Variants in AQP1 observed in about 807,000 individuals in gnomAD.
AQP1 encodes aquaporin 1 (Colton blood group).
Under a neutral mutation model 19.7 loss-of-function variants are expected in AQP1, and 11 were observed. That is an observed-to-expected ratio of 0.56 (90% CI 0.35 to 0.92). AQP1 has a LOEUF of 0.92. AQP1 is among the 40% of genes least tolerant of loss of function. The probability of loss-of-function intolerance (pLI) is 0.01; values close to 1 mark genes in which losing one functional copy is unlikely to be tolerated. For missense variants in AQP1, 320 were observed against 369.7 expected (o/e 0.87, Z 1.10); for synonymous variants, 159 against 166.7 (o/e 0.95, Z 0.36).
rs201686828 is a variant in AQP1 at position 30,922,162 on chromosome 7, C to T, written c.481C>T (p.Arg161Cys). 745 of 1,613,534 alleles carry T rather than the reference C, an allele frequency of 4.6e-4. 4 individuals carry two copies. The highest frequency in any genetic ancestry group is 1.2e-4 in the Non-Finnish European group (146 of 1,180,018). The part of the protein sequence containing the change: ...LCVLATTDRR[R>C]RDLGGSAPLA... Reference sequence around the variant, plus strand: ...CGTGCTGGCTACTACCGACCGGAGGCGCCGTGACCTTGGTGGCTCAGCCCC... The same window carrying T: ...CGTGCTGGCTACTACCGACCGGAGGTGCCGTGACCTTGGTGGCTCAGCCCC... The change falls in exon 2 of 4, where the codon CGC becomes TGC. Residue 161 changes from arginine to cysteine, a missense_variant. Coordinates refer to ENST00000311813, the MANE Select transcript of AQP1 (RefSeq NM_198098.4).
At position 30,923,355 on chromosome 7, in the gene AQP1, C is replaced by A; in HGVS notation, c.631-95C>A. On this transcript the variant is annotated intron_variant, in intron 3 of 3. Coordinates refer to ENST00000311813, the MANE Select transcript of AQP1 (RefSeq NM_198098.4). The surrounding 1 kb of genome is among the most constrained non-coding windows in gnomAD (Gnocchi z 4.8). ...TGCCTCCATCCCAGGTGGGAAAAAC[C>A]TGTCCAACGGGGTGGTGGGCTGTGG... 1 of 1,589,982 alleles carries A rather than the reference C, an allele frequency of 6.3e-7. No individual in the cohort carries two copies. Among genetic ancestry groups the A allele is most frequent in the South Asian group, 1.1e-5 (1 of 88,016 alleles).
At chr7:30,913,062 T>C (rs1000415137) in intron 1 of AQP1, among the ~76,000 whole-genome samples, 1 of 152,088 alleles carries the variant, frequency 6.6e-6, no homozygotes, top group African/African-American at 2.4e-5. Context: ...TTGTGTCAAC[T>C]GTGTGCATGT....
chr7:30,915,924 G>T (rs28362709), intron 1 of AQP1, among the ~76,000 whole-genome samples: 27,756 of 152,080 alleles, frequency 0.18, 2,691 homozygotes, highest in Middle Eastern at 0.25. Flanking sequence ...TGCCCAGCCC[G>T]TCCTGCCCAG....
At chr7:30,922,363 G>C in intron 2 of AQP1, 133 bp downstream of exon 2, 1 of 1,402,492 alleles carries the variant, frequency 7.1e-7, no homozygotes, top group Non-Finnish European at 9.7e-7. Context: ...GGTCAGCGCT[G>C]GGGGCTGGGG....
At chr7:30,920,008 C>T (rs952017717) in intron 1 of AQP1, among the ~76,000 whole-genome samples, 7 of 152,150 alleles carry the variant, frequency 4.6e-5, no homozygotes, top group Non-Finnish European at 1.0e-4. Context: ...CCCAAGGACT[C>T]AGAGTACAGG....
chr7:30,922,686 C>G (rs955246161), intron 3 of AQP1, 42 bp downstream of exon 3: 1 of 1,558,888 alleles, frequency 6.4e-7, no homozygotes, highest in Non-Finnish European at 8.9e-7. Flanking sequence ...CTTTGGTGTC[C>G]CATGGTAAGC....
intron 1 of AQP1, among the ~76,000 whole-genome samples, chr7:30,919,976 C>T (rs765962265): frequency 5.9e-5 from 9 of 152,184 alleles, no homozygotes; most frequent in Non-Finnish European, 1.3e-4. Context: ...ATTCCCAGGG[C>T]AGGTGGCTGA....
rs150232727 is a variant in AQP1 at position 30,918,676 on chromosome 7, G to T, written c.385-3390G>T. Among the ~76,000 whole-genome samples, 932 of 152,320 alleles carry T rather than the reference G, an allele frequency of 6.1e-3. 11 individuals are homozygous for T. The highest frequency in any genetic ancestry group is 0.022 in the African/African-American group (894 of 41,574). ...CCAGGGTGCCCAGGCCAAGTCAGGG[G>T]CCCCATGCCTTGGAAGCCACCCTGG... is the stretch of plus-strand genomic sequence containing the variant. On this transcript the variant is annotated intron_variant, in intron 1 of 3. Coordinates refer to ENST00000311813, the MANE Select transcript of AQP1 (RefSeq NM_198098.4).
chr7:30,911,867 A>C lies in AQP1; in HGVS notation c.-43A>C. The stretch of plus-strand genomic sequence containing the variant: ...GGCTGTGGCTCAGCTCTCAGAGGGA[A>C]TTGAGCACCCGGCAGCGGTCTCAGG... On this transcript the variant is annotated 5_prime_UTR_variant, in exon 1 of 4. Transcript: ENST00000311813. The C allele has an allele frequency of 6.2e-7, 1 of 1,611,406 alleles. No individual in the cohort carries two copies.
rs768670563 is a variant in AQP1, at chr7:30,922,105, G to A, written c.424G>A (p.Glu142Lys). The change falls in exon 2 of 4, where the codon GAG becomes AAG. Residue 142 changes from glutamate to lysine, a missense_variant. Transcript: ENST00000311813. The part of the protein sequence containing the change: ...GVNSGQGLGI[E>K]IIGTLQLVLC... Reference sequence around the variant, plus strand: ...GAACTCGGGCCAGGGCCTGGGCATCGAGATCATCGGGACCCTCCAGCTGGT... The same window carrying A: ...GAACTCGGGCCAGGGCCTGGGCATCAAGATCATCGGGACCCTCCAGCTGGT... 18 of 1,613,970 alleles carry A rather than the reference G, an allele frequency of 1.1e-5. No individual in the cohort carries two copies. Among genetic ancestry groups the A allele is most frequent in the East Asian group, 2.2e-5 (1 of 44,890 alleles).
chr7:30,923,566 G>C lies in AQP1; in HGVS notation c.747G>C (p.Gln249His), dbSNP rs201414781. The C allele has an allele frequency of 6.2e-7, 1 of 1,614,100 alleles. No individual in the cohort carries two copies. Among genetic ancestry groups the C allele is most frequent in the African/African-American group, 1.3e-5 (1 of 75,018 alleles). ...TDRVKVWTSGQVEEYDLDADD... is the reference protein window; with the variant it reads ...TDRVKVWTSGHVEEYDLDADD... ...GCGTGAAGGTGTGGACCAGCGGCCA[G>C]GTGGAGGAGTATGACCTGGATGCCG... The change falls in exon 4 of 4, where the codon CAG becomes CAC. Residue 249 changes from glutamine (Q) to histidine (H), a missense_variant. Physicochemically the swap from Gln to His is conservative, Grantham distance 24. Coordinates refer to ENST00000311813, the MANE Select transcript of AQP1 (RefSeq NM_198098.4). This position sits in a 1 kb window ranked among gnomAD's most constrained non-coding sequence, Gnocchi z 4.8.
chr7:30,915,836 A>T (rs1432119126), intron 1 of AQP1, among the ~76,000 whole-genome samples: 3 of 152,026 alleles, frequency 2.0e-5, no homozygotes, highest in African/African-American at 7.3e-5. Context: ...TCATGCCACC[A>T]GTTCTCCCGG....
chr7:30,923,778 A>C lies in AQP1; in HGVS notation c.*149A>C, dbSNP rs1052094212. The stretch of plus-strand genomic sequence containing the variant: ...CCAGACCTGCATGGTCAAGCCTCTT[A>C]TGGGGGTGTTTCTATCTCTTTCTTT... On this transcript the variant is annotated 3_prime_UTR_variant, in exon 4 of 4. Coordinates refer to ENST00000311813, the MANE Select transcript of AQP1 (RefSeq NM_198098.4). This position sits in a 1 kb window ranked among gnomAD's most constrained non-coding sequence, Gnocchi z 4.8. 1.3e-6 allele frequency: 2 copies of C among 1,511,654 alleles called. No homozygotes were observed. The highest frequency in any genetic ancestry group is 1.8e-6 in the Non-Finnish European group (2 of 1,127,646). 93.6% of individuals were successfully genotyped at this position (1,511,654 alleles called of 1,614,324 possible).
In AQP1 at chr7:30,923,922, G is replaced by A; in HGVS notation, c.*293G>A. 6.9e-7 allele frequency: 1 copy of A among 1,445,950 alleles called. No homozygotes were observed. The highest frequency in any genetic ancestry group is 1.4e-5 in the African/African-American group (1 of 71,232). 89.6% of individuals were successfully genotyped at this position (1,445,950 alleles called of 1,614,324 possible). A position where few individuals can be genotyped will look rare whatever the true frequency, so the allele number is the denominator to read the frequency against. On this transcript the variant is annotated 3_prime_UTR_variant, in exon 4 of 4. Transcript: ENST00000311813. The surrounding 1 kb of genome is among the most constrained non-coding windows in gnomAD (Gnocchi z 4.8). ...ACCCACCTGCTAGTCGCCCCTCAGA[G>A]CATGATGGGAGGTGTGCCAGAAAGT...
chr7:30,916,685 A>G (rs1451262733), intron 1 of AQP1, among the ~76,000 whole-genome samples: 1 of 152,218 alleles, frequency 6.6e-6, no homozygotes, highest in African/African-American at 2.4e-5. Flanking sequence ...AAGGCCGGAA[A>G]ATGCCCCCGG....
chr7:30,912,144 G>C lies in AQP1; in HGVS notation c.235G>C (p.Val79Leu), dbSNP rs748092933. ...CAGCGGCGCCCACCTCAACCCGGCT[G>C]TCACACTGGGGCTGCTGCTCAGCTG... ...HISGAHLNPA[V>L]TLGLLLSCQI... The change falls in exon 1 of 4, where the codon GTC becomes CTC. Residue 79 changes from valine (V) to leucine (L), a missense_variant. By Grantham distance (32) the Val-to-Leu change is conservative (BLOSUM62 1). Coordinates refer to ENST00000311813, the MANE Select transcript of AQP1 (RefSeq NM_198098.4). This position sits in a 1 kb window ranked among gnomAD's most constrained non-coding sequence, Gnocchi z 4.3. 6.2e-7 allele frequency: 1 copy of C among 1,613,080 alleles called. No individual in the cohort carries two copies. Among genetic ancestry groups the C allele is most frequent in the South Asian group, 1.1e-5 (1 of 91,082 alleles).
intron 1 of AQP1, among the ~76,000 whole-genome samples, chr7:30,920,512 A>G (rs558977078): frequency 6.6e-6 from 1 of 152,312 alleles, no homozygotes; most frequent in East Asian, 1.9e-4. Flanking sequence ...AAGAGTCACT[A>G]CCACTGCCCC....
At position 30,923,531 on chromosome 7, in the gene AQP1, C is replaced by G. The variant is rs1791583077; in HGVS notation, c.712C>G (p.Leu238Val). Residue 238 changes from leucine to valine, a missense_variant, in exon 4 of 4, where the codon CTC becomes GTC. By Grantham distance (32) the Leu-to-Val change is conservative (BLOSUM62 1). Coordinates refer to ENST00000311813, the MANE Select transcript of AQP1 (RefSeq NM_198098.4). This position sits in a 1 kb window ranked among gnomAD's most constrained non-coding sequence, Gnocchi z 4.8. Reference protein sequence around the residue: ...DFILAPRSSDLTDRVKVWTSG... With the variant: ...DFILAPRSSDVTDRVKVWTSG... ...CATCCTGGCCCCACGCAGCAGTGAC[C>G]TCACAGACCGCGTGAAGGTGTGGAC... 3.7e-6 allele frequency: 6 copies of G among 1,614,064 alleles called. No homozygotes were observed. Among genetic ancestry groups the G allele is most frequent in the Non-Finnish European group, 5.1e-6 (6 of 1,180,046 alleles).
rs769875197 is a variant in AQP1 at position 30,922,021 on chromosome 7, C to T, written c.385-45C>T. On this transcript the variant is annotated intron_variant, in intron 1 of 3. Transcript: ENST00000311813. ...TCCTTGGGGTCCTGGGACACAGTCC[C>T]TGCCTACCCTCCTCACCAGTCCTCA... 3.1e-6 allele frequency: 5 copies of T among 1,611,208 alleles called. No individual in the cohort carries two copies. The East Asian group carries it at 1.1e-4, about 36-fold the overall frequency.
Sources: allele counts gnomAD v4.1 joint callset (sites outside exome capture counted in the v4.1 genomes callset), GRCh38; gene constraint gnomAD v4.1.1; non-coding constraint Gnocchi (gnomAD v3.1); transcripts MANE v1.5; gene names NCBI Gene and HGNC (gene_info 2026-07-23, HGNC 2026-07-21).